CHRNA7: variants seen among roughly 807,000 people sequenced by gnomAD.
CHRNA7 encodes the protein neuronal acetylcholine receptor subunit alpha-7.
CHRNA7 carries 17 observed loss-of-function variants against 48.0 expected under a neutral mutation model. The ratio of observed to expected loss-of-function variants is 0.35; its 90% CI spans 0.24 to 0.53. CHRNA7 has a LOEUF of 0.53. Among genes scored for constraint, CHRNA7 ranks in the 20% least tolerant of loss-of-function variants. CHRNA7 has a pLI of 0.92. For missense variants in CHRNA7, 155 were observed against 577.7 expected (o/e 0.27, Z 7.50); for synonymous variants, 75 against 242.3 (o/e 0.31, Z 6.41).
chr15:32,046,681 C>A (rs1326337901), intron 2 of CHRNA7, among the ~76,000 whole-genome samples: 3 of 141,870 alleles, frequency 2.1e-5, no homozygotes, highest in Non-Finnish European at 4.5e-5. Flanking sequence ...TAATTAGATT[C>A]CATTTGTCAA....
chr15:32,104,768 G>C (rs1019056490), intron 3 of CHRNA7, among the ~76,000 whole-genome samples: 1 of 152,202 alleles, frequency 6.6e-6, no homozygotes, highest in African/African-American at 2.4e-5. Flanking sequence ...CAGCACTTTC[G>C]TACTGTGTGT....
In CHRNA7 at chr15:32,050,114, A is replaced by T. The variant is rs1020519044; in HGVS notation, c.195+19077A>T. ...CATTTCCACTTTGGTGAATCTGACA[A>T]TTATGTGTCTTGGAGTTGCTCTTCT... On this transcript the variant is annotated intron_variant, in intron 2 of 9. Transcript: ENST00000306901. 2.0e-5 allele frequency among the ~76,000 whole-genome samples: 3 copies of T among 152,108 alleles called. No individual in the cohort carries two copies. The East Asian group carries it at 5.8e-4, about 29-fold the overall frequency.
chr15:32,030,853 C>T (rs1019791032), intron 1 of CHRNA7, 45 bp from the exon 2 acceptor site: 39 of 1,596,218 alleles, frequency 2.4e-5, no homozygotes, highest in Non-Finnish European at 3.3e-5. Context: ...GGGGTACCCC[C>T]GCCGGCCTGC....
intron 2 of CHRNA7, among the ~76,000 whole-genome samples, chr15:32,095,153 CA>C (rs1336548163): frequency 6.6e-6 from 1 of 152,230 alleles, no homozygotes; most frequent in Non-Finnish European, 1.5e-5. Flanking sequence ...GTGTCCCCAA[CA>C]AACAGACCCT....
At chr15:32,148,458 T>G (rs551588237) in intron 4 of CHRNA7, among the ~76,000 whole-genome samples, 2 of 152,330 alleles carry the variant, frequency 1.3e-5, no homozygotes, top group African/African-American at 4.8e-5. Flanking sequence ...CAGAGCTGAC[T>G]GAGGCAGGAG....
intron 4 of CHRNA7, among the ~76,000 whole-genome samples, chr15:32,130,886 A>G (rs547150193): frequency 8.8e-4 from 134 of 152,120 alleles, no homozygotes; most frequent in Non-Finnish European, 1.5e-3. Context: ...CTTCATCTGA[A>G]AATGTCTTGA....
At chr15:32,126,112 G>A (rs1308480046) in intron 4 of CHRNA7, among the ~76,000 whole-genome samples, 10 of 152,156 alleles carry the variant, frequency 6.6e-5, no homozygotes, top group Non-Finnish European at 4.4e-5. Context: ...TAATGCTAGA[G>A]AACTTTAGTG....
intron 2 of CHRNA7, among the ~76,000 whole-genome samples, chr15:32,046,938 A>G (rs28870811): frequency 0.28 from 41,486 of 149,422 alleles, 7,409 homozygotes; most frequent in East Asian, 0.6. Context: ...TCCTTTCCCC[A>G]TTGCTTGTTT....
intron 3 of CHRNA7, among the ~76,000 whole-genome samples, chr15:32,106,523 G>C (rs572508737): frequency 6.6e-6 from 1 of 152,152 alleles, no homozygotes; most frequent in Non-Finnish European, 1.5e-5. Flanking sequence ...TTCATGTTCC[G>C]AGGAGGAAGC....
chr15:32,051,642 G>A (rs998173417), intron 2 of CHRNA7, among the ~76,000 whole-genome samples: 1 of 152,144 alleles, frequency 6.6e-6, no homozygotes, highest in African/African-American at 2.4e-5. Flanking sequence ...CTGGTGCATG[G>A]TGCGCTGCAC....
chr15:32,134,428 G>T (rs1331030536), intron 4 of CHRNA7, among the ~76,000 whole-genome samples: 1 of 152,046 alleles, frequency 6.6e-6, no homozygotes, highest in Non-Finnish European at 1.5e-5. Flanking sequence ...CAAACTCCTG[G>T]GATTCAGGCG....
intron 2 of CHRNA7, among the ~76,000 whole-genome samples, chr15:32,038,946 A>G (rs2049399508): frequency 6.6e-6 from 1 of 152,198 alleles, no homozygotes; most frequent in African/African-American, 2.4e-5. Context: ...GCTCTGATAG[A>G]TATAGGCCCA....
intron 4 of CHRNA7, among the ~76,000 whole-genome samples, chr15:32,139,185 T>C (rs2051331024): frequency 6.6e-6 from 1 of 152,258 alleles, no homozygotes; most frequent in Admixed American, 6.5e-5. Context: ...CCATGTTTTT[T>C]TCATGGCTTG....
At chr15:32,032,616 G>A (rs1673331130) in intron 2 of CHRNA7, among the ~76,000 whole-genome samples, 1 of 152,150 alleles carries the variant, frequency 6.6e-6, no homozygotes, top group African/African-American at 2.4e-5. Flanking sequence ...GGTGAGAAAG[G>A]GACAGTAGCC....
intron 4 of CHRNA7, among the ~76,000 whole-genome samples, chr15:32,139,597 T>A (rs1177163108): frequency 6.7e-6 from 1 of 150,242 alleles, no homozygotes; most frequent in Non-Finnish European, 1.5e-5. Context: ...TTTTTTTTAA[T>A]TTGTATTAAA....
chr15:32,161,696 G>GA (rs2051894615), intron 8 of CHRNA7: 1 of 142,776 alleles, frequency 7.0e-6, no homozygotes. Context: ...AGGCCCCTGA[G>GA]AAAATCACTC....
intron 2 of CHRNA7, among the ~76,000 whole-genome samples, chr15:32,071,917 G>A (rs62003564): frequency 0.073 from 11,041 of 152,058 alleles, 524 homozygotes; most frequent in Non-Finnish European, 0.11. Flanking sequence ...GAGGAGTGGG[G>A]TGTTGCTATA....
chr15:32,124,216 G>T (rs1337235327), intron 4 of CHRNA7, among the ~76,000 whole-genome samples: 2 of 152,068 alleles, frequency 1.3e-5, no homozygotes, highest in East Asian at 3.8e-4. Flanking sequence ...TCTGCCAAAT[G>T]CCATAAGAAG....
intron 2 of CHRNA7, among the ~76,000 whole-genome samples, chr15:32,089,142 G>A (rs1351565375): frequency 1.3e-5 from 2 of 151,992 alleles, no homozygotes; most frequent in South Asian, 2.1e-4. Flanking sequence ...ATTTTACTTG[G>A]TGTCTACTGA....
Sources: allele counts gnomAD v4.1 joint callset (sites outside exome capture counted in the v4.1 genomes callset), GRCh38; gene constraint gnomAD v4.1.1; transcripts MANE v1.5; gene names NCBI Gene and HGNC (gene_info 2026-07-23, HGNC 2026-07-21).